Variants in XG observed in about 807,000 individuals in gnomAD.
The protein encoded by XG is glycoprotein Xg.
Under a neutral mutation model 25.7 loss-of-function variants are expected in XG, and 24 were observed. The ratio of observed to expected loss-of-function variants is 0.93; its 90% CI spans 0.68 to 1.31. XG has a LOEUF of 1.31. Among genes scored for constraint, XG ranks in the 40% most tolerant of loss-of-function variants. XG has a pLI of 0.00. For missense variants in XG, 181 were observed against 187.6 expected (o/e 0.96, Z 0.21); for synonymous variants, 77 against 69.2 (o/e 1.11, Z -0.56).
chrX:2,779,602 A>G (rs2051075563), intron 3 of XG, among the ~76,000 whole-genome samples: 2 of 152,092 alleles, frequency 1.3e-5, no homozygotes. Context: ...CTCTGATATA[A>G]AACGTGCAGT....
chrX:2,760,409 A>C (rs1190804652), intron 1 of XG, among the ~76,000 whole-genome samples: 1 of 151,850 alleles, frequency 6.6e-6, no homozygotes, highest in Non-Finnish European at 1.5e-5. Flanking sequence ...CAGGACCTCC[A>C]ATTGTGACTG....
At chrX:2,783,335 G>A (rs1469282200) in intron 4 of XG, among the ~76,000 whole-genome samples, 1 of 79,141 alleles carries the variant, frequency 1.3e-5, no homozygotes, top group Non-Finnish European at 2.2e-5. Context: ...GAGAGTGAAC[G>A]AGAGAGAGAA....
chrX:2,764,270 A>G (rs2050627371), intron 1 of XG, among the ~76,000 whole-genome samples: 2 of 152,100 alleles, frequency 1.3e-5, no homozygotes, highest in Non-Finnish European at 2.9e-5. Context: ...AACCATACAA[A>G]TGGGCAACCA....
intron 9 of XG, 35 bp downstream of exon 9, chrX:2,808,255 T>TA: frequency 8.3e-7 from 1 of 1,204,893 alleles, no homozygotes; most frequent in Middle Eastern, 2.3e-4. Context: ...CAACCTTTAA[T>TA]AAGAGCACAC....
intron 1 of XG, among the ~76,000 whole-genome samples, chrX:2,757,392 C>T (rs1333149433): frequency 4.0e-5 from 6 of 150,384 alleles, no homozygotes; most frequent in African/African-American, 7.3e-5. Context: ...GGCTTGAGGG[C>T]GGGGCCTTTG....
Position 2,808,169 on chromosome X carries a change from C to T in XG, c.419-16C>T, listed in dbSNP as rs764735709. The T allele has an allele frequency of 8.3e-7, 1 of 1,210,706 alleles. No homozygotes were observed. The highest frequency in any genetic ancestry group is 1.1e-6 in the Non-Finnish European group (1 of 895,092). ...AGCTCTGCTGAATAAACACGAACAT[C>T]CTTTTCCGCTTACAGGTGGAGATCA... On this transcript the variant is annotated splice_polypyrimidine_tract_variant and intron_variant, in intron 8 of 10. Coordinates refer to ENST00000644266, the MANE Select transcript of XG (RefSeq NM_001141919.2).
chrX:2,796,264 T>TAC, intron 6 of XG, among the ~76,000 whole-genome samples: 1 of 107,705 alleles, frequency 9.3e-6, no homozygotes, highest in Non-Finnish European at 1.9e-5. Context: ...ATAAATATCT[T>TAC]ATATAAATAT....
At chrX:2,759,937 T>C (rs2050526585) in intron 1 of XG, among the ~76,000 whole-genome samples, 2 of 152,224 alleles carry the variant, frequency 1.3e-5, no homozygotes, top group Admixed American at 1.3e-4. Context: ...AATCCCAACC[T>C]CTGGGAATGC....
At chrX:2,754,989 C>G (rs1353928952) in intron 1 of XG, among the ~76,000 whole-genome samples, 2 of 152,130 alleles carry the variant, frequency 1.3e-5, no homozygotes, top group Non-Finnish European at 2.9e-5. Flanking sequence ...AGGATTTGGA[C>G]GGGGGCAGCC....
At chrX:2,773,226 GGGAA>G (rs1182698638) in intron 2 of XG, among the ~76,000 whole-genome samples, 22 of 148,694 alleles carry the variant, frequency 1.5e-4, no homozygotes, top group Non-Finnish European at 1.6e-4. Context: ...GAACGATGGA[GGGAA>G]GGAAGGAAGA....
chrX:2,794,942 A>G (rs1215454225), intron 6 of XG, among the ~76,000 whole-genome samples: 1 of 111,712 alleles, frequency 9.0e-6, no homozygotes, highest in South Asian at 3.7e-4. Context: ...ATATATCTGC[A>G]TGCTTATCAA....
chrX:2,773,943 T>C (rs2050912191), intron 2 of XG, among the ~76,000 whole-genome samples: 1 of 152,068 alleles, frequency 6.6e-6, no homozygotes. Context: ...TGCGAAACCA[T>C]ATGCCCCGTT....
chrX:2,778,447 A>G (rs1321318601), intron 3 of XG, among the ~76,000 whole-genome samples: 1 of 152,118 alleles, frequency 6.6e-6, no homozygotes, highest in African/African-American at 2.4e-5. Context: ...CAGGAGGCTG[A>G]GGTGGGAGGA....
intron 7 of XG, among the ~76,000 whole-genome samples, chrX:2,803,127 C>G (rs1358321345): frequency 9.0e-6 from 1 of 111,654 alleles, no homozygotes; most frequent in Non-Finnish European, 1.9e-5. Context: ...TTACAGAAAG[C>G]CACTGGGAGT....
intron 7 of XG, among the ~76,000 whole-genome samples, chrX:2,802,142 A>G (rs2086950351): frequency 1.8e-5 from 2 of 110,823 alleles, no homozygotes; most frequent in Admixed American, 1.9e-4. Flanking sequence ...CTTAACTCCT[A>G]TATCAACTGG....
At chrX:2,785,752 C>A (rs2086777603) in intron 4 of XG, among the ~76,000 whole-genome samples, 1 of 111,446 alleles carries the variant, frequency 9.0e-6, no homozygotes, top group African/African-American at 3.3e-5. Context: ...CCCAAATGAG[C>A]CCAGGCTAGC....
At chrX:2,759,304 C>A (rs956405436) in intron 1 of XG, among the ~76,000 whole-genome samples, 4 of 152,188 alleles carry the variant, frequency 2.6e-5, no homozygotes, top group African/African-American at 9.7e-5. Context: ...TAGTGGAGAA[C>A]CTGCTGTTAG....
At position 2,797,320 on chromosome X, in the gene XG, C is replaced by T. The variant is rs141727718; in HGVS notation, c.333C>T (p.Gly111=). Residue 111 remains glycine (G), a synonymous_variant, in exon 7 of 11, where the codon GGC becomes GGT. Coordinates refer to ENST00000644266, the MANE Select transcript of XG (RefSeq NM_001141919.2). The part of the protein sequence containing the change: ...PRPRPPAGGG[G]GGYSSYGNSD... ...TTCTCTGTCTAACAGGAGGTGGCGG[C>T]GGTGGCTACTCCAGTTATGGCAACT... 2.6e-5 allele frequency: 31 copies of T among 1,196,792 alleles called. No individual in the cohort carries two copies. Among genetic ancestry groups the T allele is most frequent in the African/African-American group, 7.1e-5 (4 of 56,436 alleles).
At chrX:2,785,045 A>C (rs1428850884) in intron 4 of XG, among the ~76,000 whole-genome samples, 3 of 112,128 alleles carry the variant, frequency 2.7e-5, no homozygotes, top group Non-Finnish European at 5.6e-5. Flanking sequence ...AGGAGATATC[A>C]ATCAATATGT....
Sources: allele counts gnomAD v4.1 joint callset (sites outside exome capture counted in the v4.1 genomes callset), GRCh38; gene constraint gnomAD v4.1.1; transcripts MANE v1.5; gene names NCBI Gene and HGNC (gene_info 2026-07-23, HGNC 2026-07-21).